DRC4: variants seen among roughly 807,000 people sequenced by gnomAD.
DRC4 encodes dynein regulatory complex subunit 4, also known as GAS-11.
At chr16:90,028,159 C>G in the DRC4 span, among the ~76,000 whole-genome samples, 2 of 128,430 alleles carry the variant, frequency 1.6e-5, no homozygotes, top group East Asian at 2.2e-4. Flanking sequence ...ACATCTGAAT[C>G]TGATTAATCG....
At chr16:90,036,302 G>A in the DRC4 span, 16 of 1,330,728 alleles carry the variant, frequency 1.2e-5, no homozygotes, top group Middle Eastern at 2.3e-4. Context: ...TTTTGGGCCC[G>A]TTTACAGGCT....
chr16:90,036,976 T>C, the DRC4 span: 1 of 564,584 alleles, frequency 1.8e-6, no homozygotes, highest in African/African-American at 1.9e-5. Flanking sequence ...TTTTCTACAG[T>C]AGACAACGGC....
the DRC4 span, among the ~76,000 whole-genome samples, chr16:90,034,599 G>A: frequency 2.3e-4 from 35 of 152,220 alleles, no homozygotes; most frequent in South Asian, 6.8e-3. Flanking sequence ...TCCAGCCTGG[G>A]CGACAGTGTG....
the DRC4 span, among the ~76,000 whole-genome samples, chr16:90,028,351 A>AT: frequency 1.3e-3 from 187 of 145,926 alleles, 3 homozygotes; most frequent in East Asian, 0.03. Context: ...CGCCTGGCTA[A>AT]TTTTTTTTTT....
the DRC4 span, among the ~76,000 whole-genome samples, chr16:90,038,335 G>A: frequency 2.0e-5 from 3 of 152,122 alleles, no homozygotes; most frequent in Non-Finnish European, 4.4e-5. Context: ...TTACGAACAC[G>A]GGATCAGGCC....
the DRC4 span, chr16:90,032,657 G>A: frequency 6.6e-7 from 1 of 1,523,286 alleles, no homozygotes; most frequent in Non-Finnish European, 9.1e-7. Context: ...GGTGTGCACA[G>A]GTACGGAAAG....
chr16:90,021,563 A>G, the DRC4 span, among the ~76,000 whole-genome samples: 2 of 151,856 alleles, frequency 1.3e-5, no homozygotes, highest in Non-Finnish European at 2.9e-5. Flanking sequence ...ACCACTTTTT[A>G]AGAAGATGTT....
At chr16:90,031,363 T>C in the DRC4 span, 1 of 1,612,506 alleles carries the variant, frequency 6.2e-7, no homozygotes, top group Non-Finnish European at 8.5e-7. Flanking sequence ...CGAAACTACT[T>C]CCAGCTGGAG....
chr16:90,029,879 G>T, the DRC4 span: 1 of 159,350 alleles, frequency 6.3e-6, no homozygotes. Context: ...GCTTCAGGCT[G>T]CCCAGTAGCT....
the DRC4 span, chr16:90,043,265 G>C: frequency 6.2e-7 from 1 of 1,613,560 alleles, no homozygotes; most frequent in Non-Finnish European, 8.5e-7. Context: ...GGACAACGTG[G>C]GCTTCAAGCC....
the DRC4 span, chr16:90,028,916 A>G: frequency 7.8e-7 from 1 of 1,288,778 alleles, no homozygotes; most frequent in Non-Finnish European, 1.0e-6. Context: ...ACAATGGTAA[A>G]GAATGGCTTT....
chr16:90,041,677 G>C, the DRC4 span, among the ~76,000 whole-genome samples: 2 of 151,976 alleles, frequency 1.3e-5, no homozygotes, highest in Non-Finnish European at 2.9e-5. Context: ...GGTGGCGGGT[G>C]TAATCCCAGC....
the DRC4 span, among the ~76,000 whole-genome samples, chr16:90,022,941 G>C: frequency 3.3e-5 from 5 of 152,192 alleles, no homozygotes; most frequent in South Asian, 1.0e-3. Context: ...GACCTGGGCT[G>C]TCCAGAGCCC....
At chr16:90,032,979 G>A in the DRC4 span, 5 of 1,457,166 alleles carry the variant, frequency 3.4e-6, no homozygotes, top group Admixed American at 7.5e-5. Context: ...GGCAAGCCTA[G>A]TGCTGCATGA....
chr16:90,032,856 C>T, the DRC4 span: 31 of 1,613,832 alleles, frequency 1.9e-5, no homozygotes, highest in Non-Finnish European at 2.5e-5. Flanking sequence ...CAAGGACATG[C>T]GGGCACTGAA....
At chr16:90,022,674 G>T in the DRC4 span, 7 of 1,418,774 alleles carry the variant, frequency 4.9e-6, no homozygotes, top group African/African-American at 5.9e-5. Context: ...GCTTCCGGGG[G>T]CGGGCGCCCT....
At chr16:90,035,486 C>G in the DRC4 span, 6 of 1,009,752 alleles carry the variant, frequency 5.9e-6, no homozygotes, top group African/African-American at 1.6e-5. Flanking sequence ...TTCATGTTCT[C>G]TCTCAAGCTT....
At chr16:90,030,611 T>C in the DRC4 span, among the ~76,000 whole-genome samples, 1,932 of 150,566 alleles carry the variant, frequency 0.013, 17 homozygotes, top group African/African-American at 0.023. Context: ...GGAGCCACCA[T>C]GCCTGGCTGT....
At chr16:90,029,614 C>T in the DRC4 span, 1 of 260,440 alleles carries the variant, frequency 3.8e-6, no homozygotes, top group South Asian at 4.3e-5. Flanking sequence ...GTCTGCCCGG[C>T]ATCCTCGGCT....
Sources: allele counts gnomAD v4.1 joint callset (sites outside exome capture counted in the v4.1 genomes callset), GRCh38; gene constraint gnomAD v4.1.1; transcripts MANE v1.5; gene names NCBI Gene and HGNC (gene_info 2026-07-23, HGNC 2026-07-21).